Variants in RC3H1 observed in about 807,000 individuals in gnomAD.
The protein encoded by RC3H1 is ring finger and CCCH-type domains 1.
A neutral mutation model predicts 138.2 loss-of-function variants in RC3H1; 50 were observed. The observed-to-expected ratio is 0.36, with a 90% CI of 0.29 to 0.46. The LOEUF is 0.46. Among genes scored for constraint, RC3H1 ranks in the 20% least tolerant of loss-of-function variants. The pLI is 1.00. For synonymous variants in RC3H1, 462 were observed against 489.1 expected (o/e 0.94, Z 0.73); for missense variants, 1,031 against 1,388.1 (o/e 0.74, Z 4.09).
chr1:173,986,045 G>A lies in RC3H1; in HGVS notation c.232-1426C>T, dbSNP rs138725013. On this transcript the variant is annotated intron_variant, in intron 2 of 19. Coordinates refer to ENST00000367696, the MANE Select transcript of RC3H1 (RefSeq NM_172071.4). ...TTATTATTATTATTATTTTTGAGAC[G>A]GAGTCTCCCTCTGTCACCCAGGCTG... is the stretch of plus-strand genomic sequence containing the variant. 1.1e-3 allele frequency among the ~76,000 whole-genome samples: 163 copies of A among 152,006 alleles called. 1 individual carries two copies. Among genetic ancestry groups the A allele is most frequent in the African/African-American group, 3.6e-3 (149 of 41,468 alleles).
Position 173,931,923 on chromosome 1 carries a change from C to A in RC3H1, c.*6798G>T, listed in dbSNP as rs1331888640. 1 of 149,750 alleles carries A rather than the reference C, an allele frequency of 6.7e-6. No homozygotes were observed. The highest frequency in any genetic ancestry group is 2.5e-5 in the African/African-American group (1 of 40,610). 9.3% of individuals were successfully genotyped at this position (149,750 alleles called of 1,614,324 possible). ...AGGCTCAATTTTTTTTTTTCCTGAACAGGGGGGTGGAGGCAGGCAAGAAAG... is the reference window on the plus strand; with the variant it reads ...AGGCTCAATTTTTTTTTTTCCTGAAAAGGGGGGTGGAGGCAGGCAAGAAAG... On this transcript the variant is annotated 3_prime_UTR_variant, in exon 20 of 20. Transcript: ENST00000367696.
At chr1:173,949,135 G>T (rs1398626067) in intron 14 of RC3H1, among the ~76,000 whole-genome samples, 7 of 100,726 alleles carry the variant, frequency 6.9e-5, no homozygotes, top group South Asian at 4.6e-4. Flanking sequence ...TTTTTGGGGG[G>T]GGGGGTGGGG....
At chr1:173,993,496 C>T (rs924928625) in intron 1 of RC3H1, among the ~76,000 whole-genome samples, 1 of 151,170 alleles carries the variant, frequency 6.6e-6, no homozygotes, top group Non-Finnish European at 1.5e-5. Flanking sequence ...TGGGTTCAAG[C>T]GATTGTCCTG....
chr1:174,007,923 T>C (rs1339415839), intron 1 of RC3H1, among the ~76,000 whole-genome samples: 3 of 152,212 alleles, frequency 2.0e-5, no homozygotes, highest in Non-Finnish European at 2.9e-5. Context: ...ATTTCTCATG[T>C]TGAACTGGAA....
At chr1:174,018,075 G>C (rs1661895482) in intron 1 of RC3H1, among the ~76,000 whole-genome samples, 1 of 152,048 alleles carries the variant, frequency 6.6e-6, no homozygotes, top group African/African-American at 2.4e-5. Context: ...AAAGTAGCCA[G>C]GTAAGGCGGG....
chr1:173,950,257 T>C (rs1297947332), intron 14 of RC3H1, among the ~76,000 whole-genome samples: 1 of 151,760 alleles, frequency 6.6e-6, no homozygotes, highest in Admixed American at 6.6e-5. Context: ...TCTATAAACA[T>C]ATAAAACAAT....
At chr1:174,015,250 T>C (rs1035332502) in intron 1 of RC3H1, among the ~76,000 whole-genome samples, 8 of 102,070 alleles carry the variant, frequency 7.8e-5, no homozygotes, top group African/African-American at 1.6e-4. Flanking sequence ...ATTATAGGCC[T>C]TTTTTTTTTT....
intron 9 of RC3H1, among the ~76,000 whole-genome samples, chr1:173,966,482 G>A (rs1234231548): frequency 1.3e-5 from 2 of 152,074 alleles, no homozygotes; most frequent in African/African-American, 2.4e-5. Flanking sequence ...TTGGGAGGCC[G>A]AGGCGGGCAG....
In RC3H1 at chr1:173,964,908, T is replaced by G; in HGVS notation, c.1547A>C (p.Tyr516Ser). 1 of 1,614,178 alleles carries G rather than the reference T, an allele frequency of 6.2e-7. No individual in the cohort carries two copies. The highest frequency in any genetic ancestry group is 1.1e-5 in the South Asian group (1 of 91,086). The change falls in exon 10 of 20, where the codon TAT (tyrosine) becomes TCT (serine). Residue 516 changes from tyrosine (Y) to serine (S), a missense_variant. Coordinates refer to ENST00000367696, the MANE Select transcript of RC3H1 (RefSeq NM_172071.4). ...TTTTCCTGGTTTCAGACTAGAATCA[T>G]AGCTGGGGTCTGTCCCTCGCGGAAT... ...QLIPRGTDPS[Y>S]DSSLKPGKID...
intron 6 of RC3H1, 152 bp from the exon 7 acceptor site, chr1:173,978,772 C>G (rs1400341758): frequency 8.0e-6 from 6 of 754,158 alleles, no homozygotes; most frequent in African/African-American, 1.8e-5. Flanking sequence ...TACTTGCTAC[C>G]CAAATAAATT....
At chr1:173,992,697 C>CAG (rs765200828) in intron 2 of RC3H1, 58 bp downstream of exon 2, 23,765 of 1,039,126 alleles carry the variant, frequency 0.023, 373 homozygotes, top group East Asian at 0.14. Flanking sequence ...CACACACACA[C>CAG]ACAGAGAGAG....
At chr1:174,009,226 T>G (rs1285745113) in intron 1 of RC3H1, 1 of 152,132 alleles carries the variant, frequency 6.6e-6, no homozygotes, top group South Asian at 2.1e-4. Flanking sequence ...GATAAGTCTA[T>G]TTATTGCTTG....
At chr1:173,944,323 G>A (rs1659040688) in intron 17 of RC3H1, among the ~76,000 whole-genome samples, 1 of 152,080 alleles carries the variant, frequency 6.6e-6, no homozygotes, top group Non-Finnish European at 1.5e-5. Flanking sequence ...ACTTTTAACT[G>A]TACTGAGTTA....
intron 1 of RC3H1, among the ~76,000 whole-genome samples, chr1:174,017,556 AGGGAAGAG>A (rs1439922116): frequency 6.6e-6 from 1 of 152,192 alleles, no homozygotes; most frequent in East Asian, 1.9e-4. Flanking sequence ...GCTAGGGATT[AGGGAAGAG>A]GGGAATACAG....
In RC3H1 at chr1:173,964,856, A is replaced by G. The variant is rs763896874; in HGVS notation, c.1599T>C (p.Pro533=). The change falls in exon 10 of 20, where the codon CCT becomes CCC. Residue 533 remains proline, a synonymous_variant. Transcript: ENST00000367696. ...GKIDHLSSSA[P]GSPPDLLESV... is the part of the protein sequence containing the mutation. Reference sequence around the variant, plus strand: ...TGACGTACAGGTCAGGAGGGGATCCAGGAGCACTACTGCTCAGATGATCTA... The same window carrying G: ...TGACGTACAGGTCAGGAGGGGATCCGGGAGCACTACTGCTCAGATGATCTA... The G allele has an allele frequency of 1.2e-6, 2 of 1,614,162 alleles. No individual in the cohort carries two copies. The highest frequency in any genetic ancestry group is 2.2e-5 in the South Asian group (2 of 91,080).
chr1:173,959,977 G>A (rs1355645163), intron 13 of RC3H1, among the ~76,000 whole-genome samples: 1 of 151,328 alleles, frequency 6.6e-6, no homozygotes, highest in Non-Finnish European at 1.5e-5. Context: ...GCGTGGTGGT[G>A]CGTGCCTGTA....
chr1:173,952,171 A>C (rs756359264), intron 13 of RC3H1, 33 bp from the exon 14 acceptor site: 1 of 1,488,774 alleles, frequency 6.7e-7, no homozygotes. Flanking sequence ...AACAAAAAAA[A>C]AAAAAAGAGA....
At chr1:173,945,260 A>G (rs1571168669) in intron 17 of RC3H1, among the ~76,000 whole-genome samples, 1 of 151,846 alleles carries the variant, frequency 6.6e-6, no homozygotes, top group Non-Finnish European at 1.5e-5. Flanking sequence ...TGAGTAGCTG[A>G]GACTACAGGC....
chr1:173,964,019 A>C lies in RC3H1; in HGVS notation c.1785T>G (p.Asp595Glu). ...CAAATGGCGGAGCTGCTCCTCGAGGATCCTGATAATAAACATCCGTCTGTT... is the reference window on the plus strand; with the variant it reads ...CAAATGGCGGAGCTGCTCCTCGAGGCTCCTGATAATAAACATCCGTCTGTT... The part of the protein sequence containing the change: ...PAQQTDVYYQ[D>E]PRGAAPPFEP... The change falls in exon 11 of 20, where the codon GAT becomes GAG. Residue 595 changes from aspartate to glutamate, a missense_variant. Physicochemically the swap from Asp to Glu is conservative, Grantham distance 45. Around this residue, in one of 7 missense-constraint regions of RC3H1, gnomAD observed 716 missense variants for 837.9 expected, o/e 0.85. Transcript: ENST00000367696. 6.2e-7 allele frequency: 1 copy of C among 1,614,154 alleles called. No homozygotes were observed. Among genetic ancestry groups the C allele is most frequent in the Middle Eastern group, 1.6e-4 (1 of 6,062 alleles).
Sources: allele counts gnomAD v4.1 joint callset (sites outside exome capture counted in the v4.1 genomes callset), GRCh38; gene constraint gnomAD v4.1.1; regional missense constraint gnomAD v4.1.1; transcripts MANE v1.5; gene names NCBI Gene and HGNC (gene_info 2026-07-23, HGNC 2026-07-21).